The following LPAR3 variants were observed in gnomAD, a reference collection of about 807,000 sequenced individuals.
The protein encoded by LPAR3 is lysophosphatidic acid receptor 3.
Under a neutral mutation model 17.8 loss-of-function variants are expected in LPAR3, and 7 were observed. The observed-to-expected ratio is 0.39, with a 90% CI of 0.22 to 0.74. LPAR3 has a LOEUF of 0.74. Ranked by LOEUF, LPAR3 falls within the 30% of genes least tolerant of loss-of-function variation. The pLI, the probability that LPAR3 is intolerant of heterozygous loss-of-function variation, is 0.40. For synonymous variants in LPAR3, 179 were observed against 179.9 expected, an observed-to-expected ratio of 0.99 and a Z score of 0.04; for missense variants, 391 against 453.4, an observed-to-expected ratio of 0.86 and a Z score of 1.25.
intron 2 of LPAR3, among the ~76,000 whole-genome samples, chr1:84,829,862 A>C (rs1659248748): frequency 1.3e-5 from 2 of 152,322 alleles, no homozygotes; most frequent in South Asian, 4.1e-4. Context: ...AACATGTATA[A>C]GAGACAGCAA....
intron 2 of LPAR3, among the ~76,000 whole-genome samples, chr1:84,826,557 T>C (rs932554972): frequency 1.3e-5 from 2 of 151,946 alleles, no homozygotes; most frequent in Non-Finnish European, 2.9e-5. Flanking sequence ...TGACATACTA[T>C]ACAGCTATTG....
At chr1:84,815,103 A>G (rs1570851023) in intron 2 of LPAR3, among the ~76,000 whole-genome samples, 2 of 152,178 alleles carry the variant, frequency 1.3e-5, no homozygotes, top group African/African-American at 4.8e-5. Flanking sequence ...ACAGGACCAC[A>G]CTATGACATT....
rs1205608341 is a variant in LPAR3 at position 84,893,094 on chromosome 1, C to G, written c.-97G>C. 1 of 151,978 alleles carries G rather than the reference C, an allele frequency of 6.6e-6. No homozygotes were observed. Among genetic ancestry groups the G allele is most frequent in the Admixed American group, 6.6e-5 (1 of 15,250 alleles). 9.4% of individuals were successfully genotyped at this position (151,978 alleles called of 1,614,324 possible). A position where few individuals can be genotyped will look rare whatever the true frequency, so the allele number is the denominator to read the frequency against. ...CGCATGCCCTCGGGGTCGAGCGCGACGGGGCGACCGGGCGCCGGGCTCCAG... is the reference window on the plus strand; with the variant it reads ...CGCATGCCCTCGGGGTCGAGCGCGAGGGGGCGACCGGGCGCCGGGCTCCAG... On this transcript the variant is annotated 5_prime_UTR_variant, in exon 1 of 3. Transcript: ENST00000370611.
intron 2 of LPAR3, among the ~76,000 whole-genome samples, chr1:84,843,929 ACCAC>A (rs1659552601): frequency 6.6e-6 from 1 of 152,130 alleles, no homozygotes; most frequent in South Asian, 2.1e-4. Context: ...GAAGTCCATG[ACCAC>A]CCAGTCTAAA....
rs570930997 is a variant in LPAR3 at position 84,890,807 on chromosome 1, C to T, written c.-19+2209G>A. Among the ~76,000 whole-genome samples the T allele has an allele frequency of 5.9e-5, 9 of 152,212 alleles. No homozygotes were observed. The South Asian group carries it at 1.2e-3, about 21-fold the overall frequency. The stretch of plus-strand genomic sequence containing the variant: ...TGCCCCAGCCCAAAGAAATAAGAGG[C>T]GGGTCTTAAGTTATCACGCACTGCT... On this transcript the variant is annotated intron_variant, in intron 1 of 2. Transcript: ENST00000370611.
chr1:84,842,777 T>A (rs928433198), intron 2 of LPAR3, among the ~76,000 whole-genome samples: 4 of 152,176 alleles, frequency 2.6e-5, no homozygotes, highest in African/African-American at 9.6e-5. Flanking sequence ...AAGTTCAAGA[T>A]CACATTTGGC....
intron 2 of LPAR3, among the ~76,000 whole-genome samples, chr1:84,817,327 T>A (rs996811652): frequency 6.6e-6 from 1 of 151,818 alleles, no homozygotes; most frequent in African/African-American, 2.4e-5. Context: ...GTTACCTGTT[T>A]GAATGTTCCT....
intron 2 of LPAR3, among the ~76,000 whole-genome samples, chr1:84,819,010 C>A (rs949123465): frequency 6.6e-6 from 1 of 152,004 alleles, no homozygotes; most frequent in African/African-American, 2.4e-5. Context: ...CCCCCTTCCA[C>A]TGGTTTGGAA....
intron 2 of LPAR3, 142 bp downstream of exon 2, chr1:84,865,243 C>G (rs1660015371): frequency 1.2e-6 from 1 of 807,154 alleles, no homozygotes; most frequent in African/African-American, 1.7e-5. Flanking sequence ...AGAGTGTAAG[C>G]TCCAGGTGGG....
intron 2 of LPAR3, among the ~76,000 whole-genome samples, chr1:84,831,634 T>G (rs1348589945): frequency 6.6e-6 from 1 of 151,914 alleles, no homozygotes; most frequent in Non-Finnish European, 1.5e-5. Context: ...ACAAGTAACT[T>G]TTTAAATAGA....
chr1:84,836,056 G>T (rs978608023), intron 2 of LPAR3, among the ~76,000 whole-genome samples: 2 of 122,224 alleles, frequency 1.6e-5, no homozygotes, highest in East Asian at 4.7e-4. Flanking sequence ...ATTCTACATG[G>T]CTGGGTGTGG....
rs886258897 is a variant in LPAR3 at position 84,883,395 on chromosome 1, A to G, written c.-19+9621T>C. ...AGAGAGTCACTAGCTGGTGTTTTTC[A>G]TTACCTTTTAGTCCCAGAGTCCCAG... On this transcript the variant is annotated intron_variant, in intron 1 of 2. Coordinates refer to ENST00000370611, the MANE Select transcript of LPAR3 (RefSeq NM_012152.3). Among the ~76,000 whole-genome samples the G allele has an allele frequency of 3.9e-5, 6 of 152,276 alleles. 1 individual carries two copies. The highest frequency in any genetic ancestry group is 2.0e-4 in the Admixed American group (3 of 15,296).
intron 2 of LPAR3, among the ~76,000 whole-genome samples, chr1:84,851,378 A>C (rs1659708911): frequency 6.6e-6 from 1 of 152,056 alleles, no homozygotes; most frequent in Admixed American, 6.5e-5. Context: ...CCACCCAATA[A>C]GCATGTTTGT....
At chr1:84,880,979 G>A (rs1158734513) in intron 1 of LPAR3, among the ~76,000 whole-genome samples, 3 of 152,192 alleles carry the variant, frequency 2.0e-5, no homozygotes, top group Admixed American at 6.5e-5. Context: ...GCAGGGTTTC[G>A]TCATTTTTAG....
intron 2 of LPAR3, among the ~76,000 whole-genome samples, chr1:84,859,905 G>A (rs753570193): frequency 6.6e-6 from 1 of 152,182 alleles, no homozygotes; most frequent in Non-Finnish European, 1.5e-5. Context: ...TAAATTAGAC[G>A]TTTCCATGTG....
intron 1 of LPAR3, among the ~76,000 whole-genome samples, chr1:84,875,237 G>A (rs1041596042): frequency 1.3e-5 from 2 of 152,146 alleles, no homozygotes; most frequent in African/African-American, 4.8e-5. Context: ...ATTCACAGCT[G>A]AAAGAGATAT....
At chr1:84,853,139 G>A (rs536663986) in intron 2 of LPAR3, among the ~76,000 whole-genome samples, 2 of 151,832 alleles carry the variant, frequency 1.3e-5, no homozygotes, top group East Asian at 3.9e-4. Flanking sequence ...ACAAAAGTCT[G>A]GTAGTGAAGG....
In LPAR3 at chr1:84,820,298, T is replaced by C. The variant is rs1570855499; in HGVS notation, c.737-6127A>G. On this transcript the variant is annotated intron_variant, in intron 2 of 2. Transcript: ENST00000370611. ...TATGCTGTGCCTCATGTGTTTGTAT[T>C]CTTAGAACTAAGTATCTAGCCCACA... 2.0e-5 allele frequency among the ~76,000 whole-genome samples: 3 copies of C among 152,212 alleles called. No homozygotes were observed. The East Asian group carries it at 5.8e-4, about 29-fold the overall frequency.
chr1:84,849,372 C>CAAAAAAAAAAAAAA (rs34239236), intron 2 of LPAR3, among the ~76,000 whole-genome samples: 1 of 77,498 alleles, frequency 1.3e-5, no homozygotes, highest in Non-Finnish European at 2.4e-5. Context: ...AGACTCATCT[C>CAAAAAAAAAAAAAA]AAAAAAAAAA....
Sources: gnomAD v4.1 joint callset for allele counts (sites outside exome capture counted in the v4.1 genomes callset) on GRCh38, gnomAD v4.1.1 for gene constraint, MANE v1.5 for transcripts, NCBI Gene and HGNC (gene_info 2026-07-23, HGNC 2026-07-21) for gene names.